PRKAR1B: variants seen among roughly 807,000 people sequenced by gnomAD.
PRKAR1B encodes cAMP-dependent protein kinase type I-beta regulatory subunit.
PRKAR1B carries 22 observed loss-of-function variants against 46.5 expected under a neutral mutation model. The observed-to-expected ratio is 0.47, with a 90% CI of 0.34 to 0.68. The LOEUF is 0.68. PRKAR1B is among the 30% of genes least tolerant of loss of function. The pLI, the probability that PRKAR1B is intolerant of heterozygous loss-of-function variation, is 0.01. For missense variants in PRKAR1B, 445 were observed against 535.6 expected, an observed-to-expected ratio of 0.83 and a Z score of 1.67; for synonymous variants, 259 against 217.7, an observed-to-expected ratio of 1.19 and a Z score of -1.67.
At chr7:573,704 G>C (rs1326102764) in intron 9 of PRKAR1B, among the ~76,000 whole-genome samples, 1 of 152,232 alleles carries the variant, frequency 6.6e-6, no homozygotes, top group Non-Finnish European at 1.5e-5. Flanking sequence ...TAAAATCCGA[G>C]TCGTCAACCA....
At chr7:642,071 T>A (rs919713455) in intron 4 of PRKAR1B, among the ~76,000 whole-genome samples, 3 of 151,998 alleles carry the variant, frequency 2.0e-5, no homozygotes, top group Admixed American at 6.6e-5. Context: ...CACCCAGCTA[T>A]TTTTTGTAGA....
At position 597,399 on chromosome 7, in the gene PRKAR1B, G is replaced by A. The variant is rs193065695; in HGVS notation, c.550-1095C>T. ...TTTCGGAGGCACAGGGGCGACTGCTGTGCAAAGGCAGACTCTGCCTGGCGG... is the reference window on the plus strand; with the variant it reads ...TTTCGGAGGCACAGGGGCGACTGCTATGCAAAGGCAGACTCTGCCTGGCGG... On this transcript the variant is annotated intron_variant, in intron 6 of 10. Transcript: ENST00000537384. Among the ~76,000 whole-genome samples, 461 of 152,356 alleles carry A rather than the reference G, an allele frequency of 3.0e-3. 1 individual carries two copies. The highest frequency in any genetic ancestry group is 0.011 in the African/African-American group (437 of 41,584).
chr7:713,678 C>T (rs1360664293), intron 1 of PRKAR1B, among the ~76,000 whole-genome samples: 4 of 152,132 alleles, frequency 2.6e-5, no homozygotes, highest in Non-Finnish European at 4.4e-5. Context: ...TCACCTGGTC[C>T]ACACTCACCT....
rs1409681491 is a variant in PRKAR1B, at chr7:560,049, G to C, written c.892-8579C>G. ...AGGACCCTGTCTCTAATAATGACAA[G>C]GTTTGGCGGTGTCCCCACCCAAATC... On this transcript the variant is annotated intron_variant, in intron 9 of 10. Coordinates refer to ENST00000537384, the MANE Select transcript of PRKAR1B (RefSeq NM_001164760.2). This position sits in a 1 kb window ranked among gnomAD's most constrained non-coding sequence, Gnocchi z 4.2. 6.6e-6 allele frequency among the ~76,000 whole-genome samples: 1 copy of C among 152,134 alleles called. No homozygotes were observed. The highest frequency in any genetic ancestry group is 1.5e-5 in the Non-Finnish European group (1 of 68,008).
chr7:695,582 G>A (rs540326542), intron 2 of PRKAR1B, among the ~76,000 whole-genome samples: 1 of 152,314 alleles, frequency 6.6e-6, no homozygotes, highest in East Asian at 1.9e-4. Context: ...AGAGCCCACT[G>A]GAGTCTGCAA....
rs112413656 is a variant in PRKAR1B, at chr7:616,008, A to AAGAGAGAGAG, written c.441-8566_441-8557dup. Among the ~76,000 whole-genome samples the AAGAGAGAGAG allele has an allele frequency of 3.0e-3, 449 of 149,388 alleles. 2 individuals are homozygous for AAGAGAGAGAG. The highest frequency in any genetic ancestry group is 4.4e-3 in the Non-Finnish European group (294 of 67,286). The stretch of plus-strand genomic sequence containing the variant: ...AGGGAGAGAGAAAGAAAAAGGAAGA[A>AAGAGAGAGAG]AGAGAGAGAGAGAGAGAGAAAGCAG... On this transcript the variant is annotated intron_variant, in intron 4 of 10. Transcript: ENST00000537384.
rs193034747 is a variant in PRKAR1B at position 688,172 on chromosome 7, G to A, written c.178-7446C>T. On this transcript the variant is annotated intron_variant, in intron 2 of 10. Transcript: ENST00000537384. ...CCCCAGCACTTTGGGAGGCCAAGGCGGGCGGATCACCTGAGGTCAGGAGTT... is the reference window on the plus strand; with the variant it reads ...CCCCAGCACTTTGGGAGGCCAAGGCAGGCGGATCACCTGAGGTCAGGAGTT... Among the ~76,000 whole-genome samples the A allele has an allele frequency of 1.8e-3, 266 of 147,620 alleles. 1 individual carries two copies. The highest frequency in any genetic ancestry group is 6.1e-3 in the African/African-American group (243 of 39,996).
At chr7:641,261 A>T (rs1784372759) in intron 4 of PRKAR1B, among the ~76,000 whole-genome samples, 2 of 152,044 alleles carry the variant, frequency 1.3e-5, no homozygotes, top group South Asian at 4.1e-4. Context: ...CGGAAAAGAG[A>T]ATTCTTTAAA....
chr7:656,179 G>C (rs556051269), intron 4 of PRKAR1B, among the ~76,000 whole-genome samples: 1 of 152,216 alleles, frequency 6.6e-6, no homozygotes, highest in South Asian at 2.1e-4. Flanking sequence ...AATGTGTGGA[G>C]GGGTGAATGA....
At chr7:692,121 C>G (rs566588921) in intron 2 of PRKAR1B, among the ~76,000 whole-genome samples, 1 of 152,334 alleles carries the variant, frequency 6.6e-6, no homozygotes, top group East Asian at 1.9e-4. Context: ...GCAGGTGGGC[C>G]AGGCATGGTG....
At position 560,198 on chromosome 7, in the gene PRKAR1B, T is replaced by C. The variant is rs898305930; in HGVS notation, c.892-8728A>G. On this transcript the variant is annotated intron_variant, in intron 9 of 10. Coordinates refer to ENST00000537384, the MANE Select transcript of PRKAR1B (RefSeq NM_001164760.2). This position sits in a 1 kb window ranked among gnomAD's most constrained non-coding sequence, Gnocchi z 4.2. ...CTTTCCCCGCTTTGTTCAGCTTTCA[T>C]TCTCTTTCCTGCTGCCCTGTGAAGA... 6.6e-6 allele frequency among the ~76,000 whole-genome samples: 1 copy of C among 152,112 alleles called. No homozygotes were observed. Among genetic ancestry groups the C allele is most frequent in the African/African-American group, 2.4e-5 (1 of 41,416 alleles).
intron 1 of PRKAR1B, among the ~76,000 whole-genome samples, chr7:724,805 T>C (rs1363996176): frequency 6.6e-6 from 1 of 152,232 alleles, no homozygotes; most frequent in African/African-American, 2.4e-5. Context: ...CCATGGCCAG[T>C]TTCTACATCA....
At chr7:719,435 T>G (rs1780997711) in intron 1 of PRKAR1B, among the ~76,000 whole-genome samples, 2 of 152,166 alleles carry the variant, frequency 1.3e-5, no homozygotes, top group South Asian at 4.1e-4. Flanking sequence ...TGCCTCAGCC[T>G]CCCAAGTACC....
intron 4 of PRKAR1B, among the ~76,000 whole-genome samples, chr7:648,341 G>T (rs1784726790): frequency 6.6e-6 from 1 of 152,114 alleles, no homozygotes; most frequent in Non-Finnish European, 1.5e-5. Context: ...GCAGGGCATG[G>T]TGGCTCACGT....
rs142305067 is a variant in PRKAR1B, at chr7:684,875, G to GACACACACACACAC, written c.178-4163_178-4150dup. 9.3e-4 allele frequency among the ~76,000 whole-genome samples: 135 copies of GACACACACACACAC among 145,508 alleles called. 1 individual carries two copies. In the East Asian group the frequency reaches 0.013, roughly 14 times the overall value. On this transcript the variant is annotated intron_variant, in intron 2 of 10. Coordinates refer to ENST00000537384, the MANE Select transcript of PRKAR1B (RefSeq NM_001164760.2). ...ATTTCACCTCCACCCACTTCACACA[G>GACACACACACACAC]ACACACACACACACACACACACACA...
chr7:711,576 G>C, intron 1 of PRKAR1B, 49 bp from the exon 2 acceptor site: 1 of 1,533,928 alleles, frequency 6.5e-7, no homozygotes, highest in South Asian at 1.2e-5. Flanking sequence ...GCCCGGGGCT[G>C]CGCGCCGGAT....
In PRKAR1B at chr7:599,452, C is replaced by CT. The variant is rs1781467667; in HGVS notation, c.550-3149dup. Among the ~76,000 whole-genome samples the CT allele has an allele frequency of 1.3e-5, 2 of 152,170 alleles. 1 individual carries two copies. Among genetic ancestry groups the CT allele is most frequent in the South Asian group, 4.1e-4 (2 of 4,824 alleles). On this transcript the variant is annotated intron_variant, in intron 6 of 10. Transcript: ENST00000537384. The stretch of plus-strand genomic sequence containing the variant: ...TACAGGCAACTGCCACCACGCCCGG[C>CT]TAATTTTGTATTTTTAGTAGAGACG...
At chr7:597,179 G>A (rs1781313258) in intron 6 of PRKAR1B, among the ~76,000 whole-genome samples, 1 of 152,228 alleles carries the variant, frequency 6.6e-6, no homozygotes, top group South Asian at 2.1e-4. Context: ...CATTGGCAAA[G>A]CAGTTCCCAT....
chr7:672,972 A>G (rs1786349719), intron 4 of PRKAR1B, among the ~76,000 whole-genome samples: 1 of 145,774 alleles, frequency 6.9e-6, no homozygotes, highest in South Asian at 2.3e-4. Flanking sequence ...TTGAGCACGG[A>G]AGGCCGAGGC....
Sources: gnomAD v4.1 joint callset for allele counts (sites outside exome capture counted in the v4.1 genomes callset) on GRCh38, gnomAD v4.1.1 for gene constraint, Gnocchi (gnomAD v3.1) non-coding constraint, MANE v1.5 for transcripts, NCBI Gene and HGNC (gene_info 2026-07-23, HGNC 2026-07-21) for gene names.